The following NPIPB8 variants were observed in gnomAD, a reference collection of about 807,000 sequenced individuals.
NPIPB8 encodes nuclear pore complex-interacting protein family member B8.
In NPIPB8, 3 loss-of-function variants were observed where a neutral mutation model predicts 5.3. The ratio of observed to expected loss-of-function variants is 0.57; its 90% CI spans 0.26 to 1.47. The LOEUF (loss-of-function observed/expected upper bound fraction) is 1.47. Among genes scored for constraint, NPIPB8 ranks in the 40% most tolerant of loss-of-function variants. NPIPB8 has a pLI of 0.13. For missense variants in NPIPB8, 50 were observed against 50.2 expected, an observed-to-expected ratio of 1.00 and a Z score of 0.01; for synonymous variants, 18 against 23.0, an observed-to-expected ratio of 0.78 and a Z score of 0.62.
intron 2 of NPIPB8, among the ~76,000 whole-genome samples, chr16:28,639,170 T>C (rs199499200): frequency 6.8e-6 from 1 of 146,754 alleles, no homozygotes; most frequent in Non-Finnish European, 1.5e-5. Context: ...ATACATTCTA[T>C]AGTACATATA....
intron 2 of NPIPB8, among the ~76,000 whole-genome samples, chr16:28,639,743 A>G (rs3959263): frequency 0.27 from 39,335 of 143,648 alleles, 5,942 homozygotes; most frequent in Non-Finnish European, 0.33. Flanking sequence ...GTGAGCCGCT[A>G]CACCCCGTCC....
intron 5 of NPIPB8, among the ~76,000 whole-genome samples, chr16:28,652,765 C>T (rs1421206101): frequency 2.2e-5 from 3 of 136,706 alleles, no homozygotes; most frequent in Non-Finnish European, 4.7e-5. Flanking sequence ...CCATGCCCAG[C>T]TAATTTTTGT....
At chr16:28,644,572 C>T (rs1311866319) in intron 2 of NPIPB8, 3 of 1,532,036 alleles carry the variant, frequency 2.0e-6, no homozygotes, top group Non-Finnish European at 2.6e-6. Context: ...CCTCAGGGCG[C>T]CCTGAAAGGA....
At chr16:28,652,948 G>A (rs1454777818) in intron 5 of NPIPB8, among the ~76,000 whole-genome samples, 37 of 125,366 alleles carry the variant, frequency 3.0e-4, no homozygotes, top group South Asian at 6.9e-4. Flanking sequence ...TCGCTCTGTC[G>A]CCCAGGCTGG....
At chr16:28,649,393 G>A (rs1488163698) in intron 3 of NPIPB8, among the ~76,000 whole-genome samples, 2 of 62,346 alleles carry the variant, frequency 3.2e-5, no homozygotes, top group East Asian at 3.6e-4. Context: ...ATAATTACAC[G>A]TCATTTGGCA....
chr16:28,638,305 T>G lies in NPIPB8; in HGVS notation c.-38-18T>G. On this transcript the variant is annotated intron_variant, in intron 1 of 7. Transcript: ENST00000683297. ...TTTCCACTCATTCAACAAACTTTTT[T>G]TCTTAATTGTCTAATAGGTTGGCAC... 1 of 1,551,594 alleles carries G rather than the reference T, an allele frequency of 6.4e-7. No homozygotes were observed. The highest frequency in any genetic ancestry group is 2.3e-5 in the East Asian group (1 of 42,836).
intron 2 of NPIPB8, chr16:28,644,525 C>T (rs1355553665): frequency 6.7e-5 from 90 of 1,337,098 alleles, no homozygotes; most frequent in Non-Finnish European, 7.9e-5. Flanking sequence ...CCTTCCCTCC[C>T]CCCTGCCCTA....
chr16:28,640,386 G>A lies in NPIPB8; in HGVS notation c.120+1906G>A, dbSNP rs576608654. Among the ~76,000 whole-genome samples the A allele has an allele frequency of 9.8e-5, 15 of 152,294 alleles. No individual in the cohort carries two copies. In the East Asian group the frequency reaches 2.7e-3, roughly 27 times the overall value. On this transcript the variant is annotated intron_variant, in intron 2 of 7. Coordinates refer to ENST00000683297, the MANE Select transcript of NPIPB8 (RefSeq NM_001310136.2). ...ATCCTGCCACGAGAATAAAGGAGCAGCCTCCATATAGGAGCTGTCAGTTGC... is the reference window on the plus strand; with the variant it reads ...ATCCTGCCACGAGAATAAAGGAGCAACCTCCATATAGGAGCTGTCAGTTGC...
chr16:28,638,194 T>A (rs1421786357), intron 1 of NPIPB8, 44 bp downstream of exon 1: 27 of 1,148,412 alleles, frequency 2.4e-5, no homozygotes, highest in Non-Finnish European at 1.2e-5. Flanking sequence ...AAGTAGAAAT[T>A]CAAAGTACAG....
chr16:28,650,935 T>C (rs1194125980), intron 3 of NPIPB8, among the ~76,000 whole-genome samples: 1 of 87,794 alleles, frequency 1.1e-5, no homozygotes, highest in Non-Finnish European at 2.0e-5. Context: ...ATAATTACCA[T>C]CTAACCGTGT....
intron 5 of NPIPB8, among the ~76,000 whole-genome samples, chr16:28,652,900 GC>G (rs1472833173): frequency 8.5e-6 from 1 of 118,150 alleles, no homozygotes; most frequent in Non-Finnish European, 1.8e-5. Flanking sequence ...CCACACCCAG[GC>G]TTTTTTTTTT....
intron 2 of NPIPB8, among the ~76,000 whole-genome samples, chr16:28,640,486 TC>T (rs199559140): frequency 0.021 from 3,197 of 152,188 alleles, 64 homozygotes; most frequent in Non-Finnish European, 0.037. Context: ...ACGCTTCACT[TC>T]CACTCACATC....
At chr16:28,639,379 T>G (rs2047850397) in intron 2 of NPIPB8, among the ~76,000 whole-genome samples, 1 of 149,818 alleles carries the variant, frequency 6.7e-6, no homozygotes, top group Non-Finnish European at 1.5e-5. Flanking sequence ...TGATCTTTTA[T>G]TTTTGAGATT....
chr16:28,642,596 T>C (rs1168249858), intron 2 of NPIPB8, among the ~76,000 whole-genome samples: 1 of 151,332 alleles, frequency 6.6e-6, no homozygotes, highest in Non-Finnish European at 1.5e-5. Context: ...ACTATTCTCC[T>C]GCCTCAGCCT....
intron 2 of NPIPB8, among the ~76,000 whole-genome samples, chr16:28,642,970 CTG>C (rs2047931544): frequency 6.6e-6 from 1 of 152,198 alleles, no homozygotes; most frequent in Non-Finnish European, 1.5e-5. Flanking sequence ...TGGGCATACT[CTG>C]TGTGATCGGG....
chr16:28,642,035 C>A (rs1064929), intron 2 of NPIPB8, among the ~76,000 whole-genome samples: 45 of 151,584 alleles, frequency 3.0e-4, no homozygotes, highest in Middle Eastern at 3.4e-3. Flanking sequence ...TTCACTTTTG[C>A]TCTAATCTGA....
chr16:28,639,471 T>C (rs1490277432), intron 2 of NPIPB8, among the ~76,000 whole-genome samples: 1 of 142,164 alleles, frequency 7.0e-6, no homozygotes, highest in Non-Finnish European at 1.5e-5. Flanking sequence ...TTTTTTTTTT[T>C]TTTGAGACAG....
Position 28,638,402 on chromosome 16 carries a change from C to T in NPIPB8, c.42C>T (p.Ser14=), listed in dbSNP as rs201292300. 27 of 1,572,104 alleles carry T rather than the reference C, an allele frequency of 1.7e-5. No individual in the cohort carries two copies. Among genetic ancestry groups the T allele is most frequent in the Non-Finnish European group, 2.1e-5 (25 of 1,166,570 alleles). The change falls in exon 2 of 8, where the codon TCC becomes TCT. Residue 14 remains serine, a synonymous_variant. Transcript: ENST00000683297. ...LSIVLTPQFL[S]HDQGQLTKEL... ...TTGTCCTGACCCCACAGTTCCTGTC[C>T]CATGACCAGGGCCAGCTCACCAAGG... is the stretch of plus-strand genomic sequence containing the variant.
At chr16:28,638,555 G>A (rs541230462) in intron 2 of NPIPB8, 75 bp downstream of exon 2, 3 of 1,453,068 alleles carry the variant, frequency 2.1e-6, no homozygotes, top group East Asian at 4.9e-5. Context: ...ACATCTCATA[G>A]CGGGTGATGC....
Sources: gnomAD v4.1 joint callset for allele counts (sites outside exome capture counted in the v4.1 genomes callset) on GRCh38, gnomAD v4.1.1 for gene constraint, MANE v1.5 for transcripts, NCBI Gene and HGNC (gene_info 2026-07-23, HGNC 2026-07-21) for gene names.